EPB41L5: variants seen among roughly 807,000 people sequenced by gnomAD.
EPB41L5 encodes the protein erythrocyte membrane protein band 4.1 like 5.
EPB41L5 carries 55 observed loss-of-function variants against 106.6 expected under a neutral mutation model. That is an observed-to-expected ratio of 0.52 (90% CI 0.42 to 0.65). EPB41L5 has a LOEUF of 0.65. Among genes scored for constraint, EPB41L5 ranks in the 30% least tolerant of loss-of-function variants. EPB41L5 has a pLI of 0.00. For missense variants in EPB41L5, 871 were observed against 882.1 expected, an observed-to-expected ratio of 0.99 and a Z score of 0.16; for synonymous variants, 297 against 306.7, an observed-to-expected ratio of 0.97 and a Z score of 0.33.
At chr2:120,043,611 G>T (rs1461957569) in intron 3 of EPB41L5, among the ~76,000 whole-genome samples, 2 of 151,846 alleles carry the variant, frequency 1.3e-5, no homozygotes, top group Non-Finnish European at 2.9e-5. Flanking sequence ...GGCGGTGCAT[G>T]CCTCTAGTTC....
At chr2:120,061,490 TG>T (rs1229602069) in intron 3 of EPB41L5, among the ~76,000 whole-genome samples, 1 of 151,988 alleles carries the variant, frequency 6.6e-6, no homozygotes, top group African/African-American at 2.4e-5. Flanking sequence ...CCCAAAGTGC[TG>T]GGATTACAGG....
At chr2:120,131,301 G>T (rs1574727581) in intron 17 of EPB41L5, among the ~76,000 whole-genome samples, 1 of 152,316 alleles carries the variant, frequency 6.6e-6, no homozygotes, top group East Asian at 1.9e-4. Context: ...CATGTCACAA[G>T]TGTTCTGTGC....
chr2:120,056,000 A>C (rs1219824347), intron 3 of EPB41L5, among the ~76,000 whole-genome samples: 2 of 152,034 alleles, frequency 1.3e-5, no homozygotes, highest in African/African-American at 4.8e-5. Flanking sequence ...GGGAGTGGAC[A>C]CCCTTGACAT....
intron 16 of EPB41L5, among the ~76,000 whole-genome samples, chr2:120,119,608 T>A (rs530420714): frequency 6.6e-6 from 1 of 151,208 alleles, no homozygotes; most frequent in Non-Finnish European, 1.5e-5. Context: ...TTATGAAATA[T>A]GGAGTCCTTT....
At chr2:120,036,556 T>A (rs1679050920) in intron 2 of EPB41L5, among the ~76,000 whole-genome samples, 1 of 152,212 alleles carries the variant, frequency 6.6e-6, no homozygotes. Context: ...ACAAACTGTG[T>A]GTATGTGTGT....
intron 22 of EPB41L5, among the ~76,000 whole-genome samples, chr2:120,166,780 G>A (rs920076425): frequency 6.6e-6 from 1 of 152,202 alleles, no homozygotes; most frequent in African/African-American, 2.4e-5. Flanking sequence ...CTAATACCTG[G>A]ACTTACATTA....
chr2:120,104,407 G>A, intron 16 of EPB41L5: 1 of 1,384,790 alleles, frequency 7.2e-7, no homozygotes, highest in Non-Finnish European at 9.3e-7. Flanking sequence ...AAAGGGACAA[G>A]GAATCAAGGA....
intron 17 of EPB41L5, among the ~76,000 whole-genome samples, chr2:120,129,884 G>A (rs143331518): frequency 0.012 from 1,815 of 152,240 alleles, 16 homozygotes; most frequent in Middle Eastern, 0.027. Flanking sequence ...AGTGGCTCAC[G>A]CCTGTAATCC....
At chr2:120,127,584 G>C in intron 16 of EPB41L5, 104 bp from the exon 17 acceptor site, 1 of 865,882 alleles carries the variant, frequency 1.2e-6, no homozygotes, top group Non-Finnish European at 1.7e-6. Flanking sequence ...ATGGTTGCTT[G>C]AATTCACAGA....
intron 18 of EPB41L5, among the ~76,000 whole-genome samples, chr2:120,133,500 C>G (rs2166435): frequency 0.64 from 96,730 of 151,966 alleles, 32,130 homozygotes; most frequent in Middle Eastern, 0.74. Flanking sequence ...GTTGGTCTGT[C>G]TGTCGGAATG....
At chr2:120,130,030 C>T (rs1246010182) in intron 17 of EPB41L5, among the ~76,000 whole-genome samples, 1 of 151,572 alleles carries the variant, frequency 6.6e-6, no homozygotes, top group Non-Finnish European at 1.5e-5. Flanking sequence ...CCTGTAATCC[C>T]AGCTACTTAG....
chr2:120,036,667 C>T (rs1679058704), intron 2 of EPB41L5, among the ~76,000 whole-genome samples: 1 of 151,838 alleles, frequency 6.6e-6, no homozygotes, highest in Non-Finnish European at 1.5e-5. Flanking sequence ...AAGATATTAA[C>T]AACATGAAAC....
chr2:120,065,037 T>A (rs1681348629), intron 3 of EPB41L5, among the ~76,000 whole-genome samples: 1 of 152,170 alleles, frequency 6.6e-6, no homozygotes, highest in Non-Finnish European at 1.5e-5. Flanking sequence ...GAAACTATTA[T>A]ATATAAGTAG....
intron 10 of EPB41L5, among the ~76,000 whole-genome samples, chr2:120,081,882 G>T (rs897424996): frequency 6.6e-6 from 1 of 152,136 alleles, no homozygotes; most frequent in Admixed American, 6.5e-5. Context: ...TTGTGAATGG[G>T]AGTTCACTCA....
At chr2:120,151,657 C>T (rs1169720131) in intron 20 of EPB41L5, among the ~76,000 whole-genome samples, 2 of 146,066 alleles carry the variant, frequency 1.4e-5, no homozygotes, top group African/African-American at 5.1e-5. Context: ...GCTCTTGTCA[C>T]CCAGGCTGGA....
chr2:120,062,142 G>T (rs578157801), intron 3 of EPB41L5, among the ~76,000 whole-genome samples: 10 of 152,256 alleles, frequency 6.6e-5, no homozygotes, highest in Non-Finnish European at 4.4e-5. Context: ...AAATTATAAA[G>T]ATTAGAAGGA....
chr2:120,159,930 T>C (rs770561456), intron 20 of EPB41L5, among the ~76,000 whole-genome samples: 1 of 152,126 alleles, frequency 6.6e-6, no homozygotes, highest in Non-Finnish European at 1.5e-5. Context: ...TTTGCAGAAA[T>C]ATGGGTGGAG....
At chr2:120,128,726 A>G (rs999430694) in intron 17 of EPB41L5, among the ~76,000 whole-genome samples, 31 of 150,914 alleles carry the variant, frequency 2.1e-4, no homozygotes, top group Middle Eastern at 6.8e-3. Flanking sequence ...TTTTTTTGAC[A>G]TCTAACGTGT....
intron 16 of EPB41L5, among the ~76,000 whole-genome samples, chr2:120,119,615 C>T (rs947072439): frequency 6.7e-6 from 1 of 149,196 alleles, no homozygotes; most frequent in African/African-American, 2.5e-5. Flanking sequence ...ATATGGAGTC[C>T]TTTCTCCATT....
Sources: allele counts gnomAD v4.1 joint callset (sites outside exome capture counted in the v4.1 genomes callset), GRCh38; gene constraint gnomAD v4.1.1; transcripts MANE v1.5; gene names NCBI Gene and HGNC (gene_info 2026-07-23, HGNC 2026-07-21).